RBM47: variants seen among roughly 807,000 people sequenced by gnomAD.
The protein encoded by RBM47 is RNA binding motif protein 47, also known as RNA-binding protein 47.
A neutral mutation model predicts 47.1 loss-of-function variants in RBM47; 21 were observed. That is an observed-to-expected ratio of 0.45 (90% CI 0.32 to 0.64). The LOEUF (loss-of-function observed/expected upper bound fraction) is 0.64, where lower values mean the gene tolerates loss of function less well. Ranked by LOEUF, RBM47 falls within the 30% of genes least tolerant of loss-of-function variation. The probability of loss-of-function intolerance (pLI) is 0.05; values close to 1 mark genes in which losing one functional copy is unlikely to be tolerated. For synonymous variants in RBM47, 375 were observed against 361.7 expected (o/e 1.04, Z -0.42); for missense variants, 708 against 870.9 (o/e 0.81, Z 2.35).
At chr4:40,630,542 A>T (rs759677613), upstream of RBM47, 1 of 152,226 alleles carries the variant, frequency 6.6e-6, no homozygotes. Context: ...GGGCCTTCGC[A>T]GCAGGGCCTG....
chr4:40,551,119 G>A (rs1729520920), intron 1 of RBM47, among the ~76,000 whole-genome samples: 1 of 152,126 alleles, frequency 6.6e-6, no homozygotes, highest in Non-Finnish European at 1.5e-5. Flanking sequence ...ACAAATATTT[G>A]TCAAGGTAAC....
chr4:40,600,406 G>A (rs1022929746), intron 1 of RBM47, among the ~76,000 whole-genome samples: 2 of 151,550 alleles, frequency 1.3e-5, no homozygotes, highest in African/African-American at 4.9e-5. Context: ...AGGCCAAGGC[G>A]GGCGGATCAC....
intron 1 of RBM47, among the ~76,000 whole-genome samples, chr4:40,593,367 T>G (rs1433899236): frequency 6.6e-6 from 1 of 152,050 alleles, no homozygotes; most frequent in Non-Finnish European, 1.5e-5. Flanking sequence ...CTTCAGTATT[T>G]AACAATGAAA....
At chr4:40,608,449 T>C (rs1270526364) in intron 1 of RBM47, among the ~76,000 whole-genome samples, 1 of 152,218 alleles carries the variant, frequency 6.6e-6, no homozygotes, top group Non-Finnish European at 1.5e-5. Flanking sequence ...GACTTGGAGA[T>C]TAATTTATTT....
chr4:40,566,130 G>C (rs1577971125), intron 1 of RBM47, among the ~76,000 whole-genome samples: 1 of 151,948 alleles, frequency 6.6e-6, no homozygotes, highest in Admixed American at 6.6e-5. Context: ...GAATGAGGGA[G>C]AGCCAAGAGA....
chr4:40,522,642 G>A (rs994457692), intron 2 of RBM47, among the ~76,000 whole-genome samples: 6 of 151,982 alleles, frequency 3.9e-5, no homozygotes, highest in African/African-American at 1.4e-4. Context: ...TTGTGAGGTT[G>A]AATTTTCTTT....
chr4:40,441,337 C>T (rs567307063), intron 3 of RBM47, among the ~76,000 whole-genome samples: 1 of 151,656 alleles, frequency 6.6e-6, no homozygotes, highest in African/African-American at 2.4e-5. Flanking sequence ...CAGCTAGTCT[C>T]AAACTCCTGG....
In RBM47 at chr4:40,425,928, G is replaced by T; in HGVS notation, c.1758C>A (p.Ile586=). ...CTCAGTATGTCTGGTAGACGTCGGGGATGGGGACCTGAATGGCAGCAGCAG... is the reference window on the plus strand; with the variant it reads ...CTCAGTATGTCTGGTAGACGTCGGGTATGGGGACCTGAATGGCAGCAGCAG... ...AFPAAAIQVP[I]PDVYQTY is the part of the protein sequence containing the mutation. Residue 586 remains isoleucine (I), a synonymous_variant, in exon 7 of 7, where the codon ATC becomes ATA. Coordinates refer to ENST00000295971, the MANE Select transcript of RBM47 (RefSeq NM_001098634.2). The T allele has an allele frequency of 6.2e-7, 1 of 1,614,214 alleles. No homozygotes were observed. The highest frequency in any genetic ancestry group is 1.1e-5 in the South Asian group (1 of 91,082).
chr4:40,513,240 C>A (rs904644617), intron 2 of RBM47, among the ~76,000 whole-genome samples: 1 of 152,236 alleles, frequency 6.6e-6, no homozygotes. Context: ...TGGCTTCTTA[C>A]TGCAAGCGTC....
At chr4:40,597,232 C>G (rs921174962) in intron 1 of RBM47, among the ~76,000 whole-genome samples, 8 of 151,566 alleles carry the variant, frequency 5.3e-5, no homozygotes. Flanking sequence ...TGCACTCCAG[C>G]CTGGGTGACA....
At chr4:40,496,223 T>TTATG (rs1722542778) in intron 2 of RBM47, among the ~76,000 whole-genome samples, 1 of 152,074 alleles carries the variant, frequency 6.6e-6, no homozygotes, top group Admixed American at 6.6e-5. Context: ...GTTGTGTGGG[T>TTATG]TATGCAGTGG....
rs192776601 is a variant in RBM47, at chr4:40,495,360, G to A, written c.-154-28661C>T. Among the ~76,000 whole-genome samples, 196 of 152,174 alleles carry A rather than the reference G, an allele frequency of 1.3e-3. 1 individual carries two copies. The highest frequency in any genetic ancestry group is 4.6e-3 in the African/African-American group (190 of 41,526). On this transcript the variant is annotated intron_variant, in intron 2 of 6. Coordinates refer to ENST00000295971, the MANE Select transcript of RBM47 (RefSeq NM_001098634.2). The stretch of plus-strand genomic sequence containing the variant: ...GGTGGCTCACATCTGTAATCCCCTT[G>A]GGAGCCTGAGGCAGGTGGATCACTT...
intron 6 of RBM47, among the ~76,000 whole-genome samples, chr4:40,430,011 G>T (rs1715686775): frequency 6.6e-6 from 1 of 151,744 alleles, no homozygotes; most frequent in African/African-American, 2.4e-5. Context: ...TGGCTAACAG[G>T]TGAAACCCCG....
chr4:40,537,126 T>G lies in RBM47; in HGVS notation c.-155+7296A>C, dbSNP rs1728064988. ...ATTTTATTTTATGTTATTTATTTAT[T>G]TTTGAGACAGGGTCTCACTCTGTTG... is the stretch of plus-strand genomic sequence containing the variant. On this transcript the variant is annotated intron_variant, in intron 2 of 6. Coordinates refer to ENST00000295971, the MANE Select transcript of RBM47 (RefSeq NM_001098634.2). Among the ~76,000 whole-genome samples, 3 of 152,312 alleles carry G rather than the reference T, an allele frequency of 2.0e-5. 1 individual carries two copies. Among genetic ancestry groups the G allele is most frequent in the Admixed American group, 2.0e-4 (3 of 15,280 alleles).
At chr4:40,552,566 G>A (rs1459606645) in intron 1 of RBM47, among the ~76,000 whole-genome samples, 2 of 152,226 alleles carry the variant, frequency 1.3e-5, no homozygotes, top group Non-Finnish European at 2.9e-5. Context: ...TATGGCTGCC[G>A]AATCCACATT....
At chr4:40,535,438 A>C (rs1197515518) in intron 2 of RBM47, among the ~76,000 whole-genome samples, 1 of 141,224 alleles carries the variant, frequency 7.1e-6, no homozygotes, top group Admixed American at 7.5e-5. Flanking sequence ...AGTGGCACAT[A>C]CCAGCTCACT....
intron 2 of RBM47, among the ~76,000 whole-genome samples, chr4:40,504,171 G>A (rs1261718721): frequency 6.6e-6 from 1 of 152,052 alleles, no homozygotes; most frequent in Non-Finnish European, 1.5e-5. Context: ...TAAGGTTCTT[G>A]ACATACATTG....
At chr4:40,580,219 CT>C (rs551489505) in intron 1 of RBM47, among the ~76,000 whole-genome samples, 228 of 146,812 alleles carry the variant, frequency 1.6e-3, no homozygotes, top group Middle Eastern at 7.1e-3. Context: ...TTTCCTCATA[CT>C]TTTTTTTTTT....
chr4:40,432,645 C>G lies in RBM47; in HGVS notation c.1542+6G>C, dbSNP rs768777352. On this transcript the variant is annotated splice_donor_region_variant and intron_variant, in intron 6 of 6. Coordinates refer to ENST00000295971, the MANE Select transcript of RBM47 (RefSeq NM_001098634.2). The stretch of plus-strand genomic sequence containing the variant: ...CAAATGACAATGCCTGCAATAAGAA[C>G]TCTACCTGGAAAGGTGGTGGCGTCG... 11 of 1,610,140 alleles carry G rather than the reference C, an allele frequency of 6.8e-6. No individual in the cohort carries two copies. Among genetic ancestry groups the G allele is most frequent in the Non-Finnish European group, 9.3e-6 (11 of 1,179,410 alleles).
Sources: gnomAD v4.1 joint callset for allele counts (sites outside exome capture counted in the v4.1 genomes callset) on GRCh38, gnomAD v4.1.1 for gene constraint, MANE v1.5 for transcripts, NCBI Gene and HGNC (gene_info 2026-07-23, HGNC 2026-07-21) for gene names.